SPAG16: variants seen among roughly 807,000 people sequenced by gnomAD.
SPAG16 encodes sperm associated antigen 16, also known as sperm-associated antigen 16 protein.
Under a neutral mutation model 80.4 loss-of-function variants are expected in SPAG16, and 86 were observed. The observed-to-expected ratio is 1.07, with a 90% CI of 0.90 to 1.28. The LOEUF (loss-of-function observed/expected upper bound fraction) is 1.28. SPAG16 is among the 50% of genes most tolerant of loss of function. The pLI, the probability that SPAG16 is intolerant of heterozygous loss-of-function variation, is 0.00. For missense variants in SPAG16, 870 were observed against 765.3 expected (o/e 1.14, Z -1.61); for synonymous variants, 294 against 265.9 (o/e 1.11, Z -1.03).
chr2:213,932,850 C>T (rs541389486), intron 12 of SPAG16, among the ~76,000 whole-genome samples: 56 of 152,200 alleles, frequency 3.7e-4, no homozygotes, highest in African/African-American at 1.2e-3. Flanking sequence ...ATTCCATACT[C>T]TACAAGGTTT....
chr2:214,117,145 A>C (rs2053971313), intron 14 of SPAG16, among the ~76,000 whole-genome samples: 1 of 152,156 alleles, frequency 6.6e-6, no homozygotes, highest in Admixed American at 6.6e-5. Flanking sequence ...TTATCAGGGA[A>C]ATTTTATAGA....
chr2:213,321,611 C>G (rs1011689074), intron 5 of SPAG16, among the ~76,000 whole-genome samples: 27 of 152,014 alleles, frequency 1.8e-4, no homozygotes, highest in African/African-American at 5.8e-4. Context: ...GAAAATATTT[C>G]CCACTAAAAT....
intron 10 of SPAG16, among the ~76,000 whole-genome samples, chr2:213,672,106 T>C (rs534778926): frequency 6.6e-6 from 1 of 152,150 alleles, no homozygotes; most frequent in African/African-American, 2.4e-5. Context: ...TGGAAATGAA[T>C]AGGTTTAGAC....
intron 10 of SPAG16, among the ~76,000 whole-genome samples, chr2:213,587,561 C>A (rs774911415): frequency 6.6e-6 from 1 of 152,168 alleles, no homozygotes; most frequent in Non-Finnish European, 1.5e-5. Flanking sequence ...TTTCATTGTC[C>A]TGATGAATAG....
intron 9 of SPAG16, among the ~76,000 whole-genome samples, chr2:213,451,075 A>G (rs1056784215): frequency 5.3e-5 from 8 of 152,322 alleles, no homozygotes; most frequent in African/African-American, 1.9e-4. Flanking sequence ...TTTATGTAAC[A>G]TATCCATCAT....
chr2:214,135,683 AC>A (rs2055009599), intron 14 of SPAG16, among the ~76,000 whole-genome samples: 2 of 151,622 alleles, frequency 1.3e-5, no homozygotes, highest in Non-Finnish European at 2.9e-5. Context: ...GTTAAAAATA[AC>A]CTGGAACTTC....
intron 3 of SPAG16, among the ~76,000 whole-genome samples, chr2:213,302,181 C>T (rs973757163): frequency 5.3e-5 from 8 of 152,102 alleles, no homozygotes; most frequent in African/African-American, 1.9e-4. Context: ...AATTTTTGAT[C>T]ATTCAGCAGT....
chr2:214,247,716 A>G (rs16851652), intron 15 of SPAG16, among the ~76,000 whole-genome samples: 8,615 of 152,140 alleles, frequency 0.057, 840 homozygotes, highest in African/African-American at 0.2. Context: ...CCAAGGTGAA[A>G]TAAGAACAGC....
At chr2:214,402,485 T>C (rs966623558) in intron 15 of SPAG16, among the ~76,000 whole-genome samples, 15 of 152,052 alleles carry the variant, frequency 9.9e-5, no homozygotes, top group African/African-American at 1.9e-4. Flanking sequence ...CTGTTTTTTT[T>C]TTCAGGAACA....
intron 9 of SPAG16, 57 bp from the exon 10 acceptor site, chr2:213,489,906 A>G (rs1055447681): frequency 5.8e-6 from 8 of 1,376,168 alleles, no homozygotes; most frequent in Non-Finnish European, 7.8e-6. Flanking sequence ...CAGAGTATCA[A>G]CCTGTGCAGT....
intron 5 of SPAG16, 171 bp downstream of exon 5, chr2:213,317,527 G>T (rs896432134): frequency 8.3e-6 from 11 of 1,319,494 alleles, no homozygotes; most frequent in African/African-American, 1.5e-5. Flanking sequence ...CAGATGATCA[G>T]AACTATCACA....
At position 213,932,173 on chromosome 2, in the gene SPAG16, TA is replaced by T. The variant is rs1559602431; in HGVS notation, c.1400+2029del. Among the ~76,000 whole-genome samples, 160 of 28,594 alleles carry T rather than the reference TA, an allele frequency of 5.6e-3. 4 individuals carry two copies. The South Asian group carries it at 0.084, about 15-fold the overall frequency. The allele number at this position is 28,594 out of a possible 152,430, so 18.8% of individuals were successfully genotyped here. A position where few individuals can be genotyped will look rare whatever the true frequency, so the allele number is the denominator to read the frequency against. On this transcript the variant is annotated intron_variant, in intron 12 of 15. Transcript: ENST00000331683. ...ATATATATATATATATATATATATATATATATATATATATATATATATATAT... is the reference window on the plus strand; with the variant it reads ...ATATATATATATATATATATATATATTATATATATATATATATATATATAT...
intron 10 of SPAG16, among the ~76,000 whole-genome samples, chr2:213,848,826 CTATT>C (rs745598799): frequency 1.2e-4 from 19 of 152,138 alleles, no homozygotes; most frequent in Non-Finnish European, 2.6e-4. Flanking sequence ...GACATTTGAT[CTATT>C]CCTCTTGTTC....
intron 10 of SPAG16, among the ~76,000 whole-genome samples, chr2:213,560,543 A>G (rs2059568693): frequency 6.6e-6 from 1 of 152,178 alleles, no homozygotes; most frequent in African/African-American, 2.4e-5. Flanking sequence ...AAAAATGAAT[A>G]ATGAAAGATT....
intron 12 of SPAG16, among the ~76,000 whole-genome samples, chr2:213,943,357 G>T (rs902033453): frequency 2.6e-5 from 4 of 152,154 alleles, no homozygotes; most frequent in African/African-American, 9.7e-5. Context: ...TAAGAGCTCA[G>T]AAAGTAAAGA....
intron 15 of SPAG16, among the ~76,000 whole-genome samples, chr2:214,299,090 G>T (rs1208249311): frequency 6.6e-6 from 1 of 152,086 alleles, no homozygotes; most frequent in Non-Finnish European, 1.5e-5. Flanking sequence ...GTATCTGTGA[G>T]AAAAGCTCAG....
intron 10 of SPAG16, among the ~76,000 whole-genome samples, chr2:213,517,549 A>G (rs1046721978): frequency 2.6e-5 from 4 of 152,184 alleles, no homozygotes; most frequent in African/African-American, 9.7e-5. Flanking sequence ...ATACTACCCA[A>G]TTTCAAACTA....
chr2:213,889,406 T>G (rs2076690729), intron 11 of SPAG16, among the ~76,000 whole-genome samples: 1 of 151,836 alleles, frequency 6.6e-6, no homozygotes, highest in South Asian at 2.1e-4. Context: ...ATTAGACTTG[T>G]GGTTATATTT....
intron 10 of SPAG16, among the ~76,000 whole-genome samples, chr2:213,612,895 A>T (rs1012632316): frequency 5.3e-5 from 8 of 151,808 alleles, no homozygotes; most frequent in Middle Eastern, 3.4e-3. Flanking sequence ...CTGGTCTCGA[A>T]CTCCTGACCT....
Sources: gnomAD v4.1 joint callset for allele counts (sites outside exome capture counted in the v4.1 genomes callset) on GRCh38, gnomAD v4.1.1 for gene constraint, MANE v1.5 for transcripts, NCBI Gene and HGNC (gene_info 2026-07-23, HGNC 2026-07-21) for gene names.